The following NELL1 variants were observed in gnomAD, a reference collection of about 807,000 sequenced individuals.
NELL1 encodes the protein neural EGFL like 1, also known as protein kinase C-binding protein NELL1.
A neutral mutation model predicts 107.4 loss-of-function variants in NELL1; 76 were observed. The ratio of observed to expected loss-of-function variants is 0.71; its 90% confidence interval spans 0.59 to 0.86. NELL1 has a LOEUF of 0.86. Among genes scored for constraint, NELL1 ranks in the 40% least tolerant of loss-of-function variants. The pLI is 0.00. For synonymous variants in NELL1, 353 were observed against 341.2 expected, an observed-to-expected ratio of 1.03 and a Z score of -0.38; for missense variants, 1,024 against 1,005.5, an observed-to-expected ratio of 1.02 and a Z score of -0.25.
chr11:20,949,970 A>C (rs1179039279), intron 11 of NELL1, among the ~76,000 whole-genome samples: 1 of 152,186 alleles, frequency 6.6e-6, no homozygotes, highest in Non-Finnish European at 1.5e-5. Flanking sequence ...TGTGTGAGAA[A>C]GTTATTTTAT....
At chr11:20,933,349 T>G (rs2134179608) in intron 9 of NELL1, among the ~76,000 whole-genome samples, 1 of 152,316 alleles carries the variant, frequency 6.6e-6, no homozygotes, top group South Asian at 2.1e-4. Context: ...AGGGAGAAAT[T>G]GCCAGGTTTT....
intron 11 of NELL1, among the ~76,000 whole-genome samples, chr11:20,949,467 A>G (rs1022549355): frequency 2.6e-5 from 4 of 152,230 alleles, no homozygotes; most frequent in African/African-American, 9.6e-5. Context: ...TTGGTTAGAT[A>G]GAATGGTTAG....
intron 12 of NELL1, among the ~76,000 whole-genome samples, chr11:21,097,327 T>G (rs971993123): frequency 1.4e-4 from 21 of 152,184 alleles, no homozygotes; most frequent in African/African-American, 5.1e-4. Flanking sequence ...AGTTTAATTC[T>G]CTCAGCAAGG....
intron 2 of NELL1, among the ~76,000 whole-genome samples, chr11:20,743,543 G>A (rs976002268): frequency 6.6e-6 from 1 of 151,974 alleles, no homozygotes; most frequent in African/African-American, 2.4e-5. Flanking sequence ...ATCTTCTTTA[G>A]CCATCACCTA....
At chr11:21,118,756 AGCTG>A in intron 13 of NELL1, among the ~76,000 whole-genome samples, 1 of 152,110 alleles carries the variant, frequency 6.6e-6, no homozygotes, top group African/African-American at 2.4e-5. Flanking sequence ...GACGCTGTTC[AGCTG>A]GTTTTATAAC....
At chr11:21,178,819 A>C (rs1322285631) in intron 13 of NELL1, among the ~76,000 whole-genome samples, 1 of 151,814 alleles carries the variant, frequency 6.6e-6, no homozygotes, top group Admixed American at 6.6e-5. Context: ...AATTTTAAAA[A>C]AGATTCAACT....
At chr11:21,000,884 C>T (rs1852203201) in intron 12 of NELL1, 1 of 152,176 alleles carries the variant, frequency 6.6e-6, no homozygotes, top group East Asian at 1.9e-4. Context: ...CGTAGACAGC[C>T]TACAGCACCC....
intron 5 of NELL1, among the ~76,000 whole-genome samples, chr11:20,907,933 C>CA (rs1390565758): frequency 7.2e-5 from 11 of 151,866 alleles, no homozygotes; most frequent in Non-Finnish European, 8.8e-5. Flanking sequence ...TTTACACGGC[C>CA]AAAAAACGTA....
chr11:20,864,215 G>A (rs1849053216), intron 4 of NELL1, among the ~76,000 whole-genome samples: 2 of 152,206 alleles, frequency 1.3e-5, no homozygotes, highest in African/African-American at 4.8e-5. Context: ...TGTATTTATT[G>A]TGTAGAGCAG....
rs1454074965 is a variant in NELL1 at position 20,669,918 on chromosome 11, G to A, written c.55+140G>A. On this transcript the variant is annotated intron_variant, in intron 1 of 19. Coordinates refer to ENST00000357134, the MANE Select transcript of NELL1 (RefSeq NM_006157.5). This position sits in a 1 kb window ranked among gnomAD's most constrained non-coding sequence, Gnocchi z 4.4. ...GTGGACCGGTTCCTGGGATCTCTTT[G>A]CCCTGCTCGGAGTGACAGGGTGAAA... is the stretch of plus-strand genomic sequence containing the variant. 2 of 707,824 alleles carry A rather than the reference G, an allele frequency of 2.8e-6. No individual in the cohort carries two copies. The highest frequency in any genetic ancestry group is 5.1e-6 in the Non-Finnish European group (2 of 395,518). The allele number at this position is 707,824 out of a possible 1,614,324, so 43.8% of individuals were successfully genotyped here. A position where few individuals can be genotyped will look rare whatever the true frequency, so the allele number is the denominator to read the frequency against.
intron 13 of NELL1, among the ~76,000 whole-genome samples, chr11:21,165,982 T>C (rs986238875): frequency 6.6e-6 from 1 of 151,742 alleles, no homozygotes; most frequent in Middle Eastern, 3.4e-3. Flanking sequence ...GTTGAATTCC[T>C]GACCTCAAGT....
chr11:20,846,638 G>A (rs1429800), intron 3 of NELL1, among the ~76,000 whole-genome samples: 50,943 of 152,016 alleles, frequency 0.34, 9,895 homozygotes, highest in African/African-American at 0.53. Flanking sequence ...CTAAGTTTAA[G>A]TCTGGTTTGG....
intron 14 of NELL1, among the ~76,000 whole-genome samples, chr11:21,328,097 G>A (rs1397616100): frequency 2.6e-5 from 4 of 152,174 alleles, no homozygotes; most frequent in Non-Finnish European, 4.4e-5. Context: ...TAATTAGCAA[G>A]ACAATGGGGA....
At chr11:20,759,432 G>C (rs1456993112) in intron 2 of NELL1, among the ~76,000 whole-genome samples, 1 of 152,182 alleles carries the variant, frequency 6.6e-6, no homozygotes, top group Admixed American at 6.5e-5. Context: ...GTGTCACCAG[G>C]ATTCACAAAC....
chr11:20,678,029 G>A lies in NELL1; in HGVS notation c.153G>A (p.Met51Ile). The A allele has an allele frequency of 6.2e-7, 1 of 1,614,146 alleles. No individual in the cohort carries two copies. The highest frequency in any genetic ancestry group is 8.5e-7 in the Non-Finnish European group (1 of 1,180,000). The change falls in exon 2 of 20, where the codon ATG (methionine) becomes ATA (isoleucine). Residue 51 changes from methionine (M) to isoleucine (I), a missense_variant. Met to Ile is a conservative substitution (Grantham distance 10, BLOSUM62 1). Transcript: ENST00000357134. ...TTLGVAQVSG[M>I]HNASKAFLFQ... Reference sequence around the variant, plus strand: ...TTGGAGTTGCTCAGGTGTCTGGAATGCACAATGCCAGCAAAGCATTTTTAT... The same window carrying A: ...TTGGAGTTGCTCAGGTGTCTGGAATACACAATGCCAGCAAAGCATTTTTAT...
At chr11:20,758,194 T>C (rs981909438) in intron 2 of NELL1, among the ~76,000 whole-genome samples, 5 of 152,130 alleles carry the variant, frequency 3.3e-5, no homozygotes, top group African/African-American at 4.8e-5. Flanking sequence ...CCTCCTAAAA[T>C]TCAAAACATC....
intron 12 of NELL1, among the ~76,000 whole-genome samples, chr11:21,068,984 T>C (rs974754867): frequency 6.6e-6 from 1 of 152,168 alleles, no homozygotes; most frequent in African/African-American, 2.4e-5. Flanking sequence ...TCCTTTGGAG[T>C]CCACATTTCT....
chr11:20,853,112 G>C (rs1848821754), intron 4 of NELL1, among the ~76,000 whole-genome samples: 1 of 152,164 alleles, frequency 6.6e-6, no homozygotes, highest in African/African-American at 2.4e-5. Flanking sequence ...AGTCACATGA[G>C]TCAGGCTTAG....
chr11:21,059,257 T>A (rs958867002), intron 12 of NELL1, among the ~76,000 whole-genome samples: 2 of 97,986 alleles, frequency 2.0e-5, no homozygotes, highest in Non-Finnish European at 4.2e-5. Flanking sequence ...CAGAACAAGT[T>A]TTGTTTTGTT....
Sources: allele counts gnomAD v4.1 joint callset (sites outside exome capture counted in the v4.1 genomes callset), GRCh38; gene constraint gnomAD v4.1.1; non-coding constraint Gnocchi (gnomAD v3.1); transcripts MANE v1.5; gene names NCBI Gene and HGNC (gene_info 2026-07-23, HGNC 2026-07-21).